Variants in ARHGAP6 observed in about 807,000 individuals in gnomAD.
ARHGAP6 encodes rho GTPase-activating protein 6.
Under a neutral mutation model 55.7 loss-of-function variants are expected in ARHGAP6, and 16 were observed. The ratio of observed to expected loss-of-function variants is 0.29; its 90% CI spans 0.19 to 0.44. The LOEUF is 0.44. Among genes scored for constraint, ARHGAP6 ranks in the 20% least tolerant of loss-of-function variants. The probability of loss-of-function intolerance (pLI) is 1.00; values close to 1 mark genes in which losing one functional copy is unlikely to be tolerated. For synonymous variants in ARHGAP6, 382 were observed against 360.9 expected (o/e 1.06, Z -0.66); for missense variants, 698 against 808.9 (o/e 0.86, Z 1.66).
At chrX:11,424,455 A>G (rs765045235) in intron 1 of ARHGAP6, among the ~76,000 whole-genome samples, 1 of 112,340 alleles carries the variant, frequency 8.9e-6, no homozygotes, top group East Asian at 2.8e-4. Context: ...CTGCCAGAAA[A>G]TCATTGATTC....
chrX:11,255,543 C>G (rs2047483988), intron 1 of ARHGAP6, among the ~76,000 whole-genome samples: 2 of 110,688 alleles, frequency 1.8e-5, no homozygotes, highest in African/African-American at 6.6e-5. Context: ...TAATTCTCCC[C>G]AAATCATAAA....
intron 2 of ARHGAP6, among the ~76,000 whole-genome samples, chrX:11,221,782 G>A (rs1276825083): frequency 9.0e-6 from 1 of 111,108 alleles, no homozygotes; most frequent in Non-Finnish European, 1.9e-5. Flanking sequence ...GTGTCACAGT[G>A]GTTTGGTATA....
At chrX:11,443,091 A>C (rs904239830) in intron 1 of ARHGAP6, among the ~76,000 whole-genome samples, 3 of 111,883 alleles carry the variant, frequency 2.7e-5, no homozygotes, top group African/African-American at 9.8e-5. Flanking sequence ...TCCTCTCCTG[A>C]TCTCTACCCC....
intron 9 of ARHGAP6, among the ~76,000 whole-genome samples, chrX:11,164,875 C>T (rs1326699047): frequency 8.9e-6 from 1 of 112,644 alleles, no homozygotes; most frequent in Non-Finnish European, 1.9e-5. Flanking sequence ...GATGAGTTTT[C>T]TCTGGAATTC....
At chrX:11,427,523 C>A in intron 1 of ARHGAP6, 1 of 942,345 alleles carries the variant, frequency 1.1e-6, no homozygotes, top group Non-Finnish European at 1.3e-6. Flanking sequence ...CCCCCTGTGT[C>A]CTCTGCACGC....
At chrX:11,357,452 T>G (rs1393615926) in intron 1 of ARHGAP6, among the ~76,000 whole-genome samples, 1 of 111,528 alleles carries the variant, frequency 9.0e-6, no homozygotes, top group African/African-American at 3.3e-5. Flanking sequence ...TTTTCTCTTT[T>G]TAAGTTAGAT....
intron 1 of ARHGAP6, among the ~76,000 whole-genome samples, chrX:11,544,025 G>A (rs1185689617): frequency 6.2e-5 from 7 of 112,496 alleles, no homozygotes; most frequent in Non-Finnish European, 1.3e-4. Context: ...CATATCAAGT[G>A]TAATTCAACT....
intron 1 of ARHGAP6, among the ~76,000 whole-genome samples, chrX:11,605,907 G>A (rs1427586330): frequency 2.7e-5 from 3 of 110,433 alleles, no homozygotes; most frequent in African/African-American, 9.9e-5. Context: ...TGAGCTATAT[G>A]AGAGCCAAGA....
rs1465344449 is a variant in ARHGAP6 at position 11,665,006 on chromosome X, G to T, written c.-178C>A. On this transcript the variant is annotated 5_prime_UTR_variant, in exon 1 of 13. Coordinates refer to ENST00000337414, the MANE Select transcript of ARHGAP6 (RefSeq NM_013427.3). ...GCCGCCGGTGCGCTCCAAGTGCCCC[G>T]GCGGCGGCAGGAGCAGCAGATCCAT... The T allele has an allele frequency of 2.2e-5, 9 of 411,055 alleles. No individual in the cohort carries two copies. The highest frequency in any genetic ancestry group is 1.6e-4 in the African/African-American group (6 of 37,437). The allele number at this position is 411,055 out of a possible 1,213,427, so 33.9% of individuals were successfully genotyped here. A position where few individuals can be genotyped will look rare whatever the true frequency, so the allele number is the denominator to read the frequency against.
intron 1 of ARHGAP6, among the ~76,000 whole-genome samples, chrX:11,513,512 T>C (rs182395470): frequency 2.3e-4 from 26 of 111,768 alleles, no homozygotes; most frequent in African/African-American, 8.1e-4. Flanking sequence ...CTGTTTTACC[T>C]GTTAAATGGA....
At chrX:11,580,317 T>C (rs1038041274) in intron 1 of ARHGAP6, among the ~76,000 whole-genome samples, 2 of 112,060 alleles carry the variant, frequency 1.8e-5, no homozygotes, top group African/African-American at 6.5e-5. Context: ...TACCTTTATA[T>C]TGGGATGCTG....
intron 1 of ARHGAP6, among the ~76,000 whole-genome samples, chrX:11,411,590 A>G (rs1372509543): frequency 9.1e-6 from 1 of 110,316 alleles, no homozygotes; most frequent in Non-Finnish European, 1.9e-5. Context: ...TTAACTACAA[A>G]TGGGTGCTTG....
intron 1 of ARHGAP6, among the ~76,000 whole-genome samples, chrX:11,628,373 A>T (rs926818050): frequency 3.6e-5 from 4 of 112,643 alleles, no homozygotes; most frequent in African/African-American, 1.3e-4. Context: ...TTCCCCCAAC[A>T]TCATCTTCTG....
At chrX:11,481,262 G>C (rs186907920) in intron 1 of ARHGAP6, among the ~76,000 whole-genome samples, 1 of 111,617 alleles carries the variant, frequency 9.0e-6, no homozygotes, top group Admixed American at 9.5e-5. Context: ...TCAATGATTC[G>C]ATTCCCATGA....
chrX:11,387,956 T>G (rs1603162874), intron 1 of ARHGAP6, among the ~76,000 whole-genome samples: 1 of 112,288 alleles, frequency 8.9e-6, no homozygotes, highest in Admixed American at 9.4e-5. Flanking sequence ...TCTATCATTG[T>G]TGGACATTTG....
At chrX:11,145,234 C>A (rs976332265) in intron 10 of ARHGAP6, 3 of 112,408 alleles carry the variant, frequency 2.7e-5, no homozygotes, top group Non-Finnish European at 5.6e-5. Flanking sequence ...TTTTTCAAAA[C>A]AAATCCTTTT....
At chrX:11,361,110 A>C (rs2049004382) in intron 1 of ARHGAP6, among the ~76,000 whole-genome samples, 1 of 109,503 alleles carries the variant, frequency 9.1e-6, no homozygotes, top group South Asian at 4.1e-4. Context: ...TGCCATCCCC[A>C]TCAAGCTACC....
At chrX:11,338,131 C>T (rs749490121) in intron 1 of ARHGAP6, among the ~76,000 whole-genome samples, 2 of 111,166 alleles carry the variant, frequency 1.8e-5, no homozygotes, top group East Asian at 5.6e-4. Flanking sequence ...TCCCACTATG[C>T]CCCACCTCCG....
At chrX:11,364,497 G>C (rs2049050648) in intron 1 of ARHGAP6, among the ~76,000 whole-genome samples, 1 of 111,095 alleles carries the variant, frequency 9.0e-6, no homozygotes, top group African/African-American at 3.3e-5. Flanking sequence ...TCCAAAGAGA[G>C]GTCTAATGTT....
Sources: allele counts gnomAD v4.1 joint callset (sites outside exome capture counted in the v4.1 genomes callset), GRCh38; gene constraint gnomAD v4.1.1; transcripts MANE v1.5; gene names NCBI Gene and HGNC (gene_info 2026-07-23, HGNC 2026-07-21).